The following ABHD3 variants were observed in gnomAD, a reference collection of about 807,000 sequenced individuals.
The protein encoded by ABHD3 is phospholipase ABHD3.
A neutral mutation model predicts 48.8 loss-of-function variants in ABHD3; 46 were observed. The ratio of observed to expected loss-of-function variants is 0.94; its 90% CI spans 0.74 to 1.20. The LOEUF (loss-of-function observed/expected upper bound fraction) is 1.20. Ranked by LOEUF, ABHD3 falls within the 50% of genes most tolerant of loss-of-function variation. ABHD3 has a pLI of 0.00. For synonymous variants in ABHD3, 192 were observed against 183.7 expected (o/e 1.04, Z -0.36); for missense variants, 490 against 497.8 (o/e 0.98, Z 0.15).
intron 3 of ABHD3, among the ~76,000 whole-genome samples, chr18:21,687,326 A>T: frequency 6.6e-6 from 1 of 151,946 alleles, no homozygotes; most frequent in East Asian, 1.9e-4. Context: ...CTCCTGCCTC[A>T]GCCTCCCGAG....
At chr18:21,667,487 C>T (rs1436728445) in intron 4 of ABHD3, among the ~76,000 whole-genome samples, 2 of 151,024 alleles carry the variant, frequency 1.3e-5, no homozygotes, top group Non-Finnish European at 3.0e-5. Context: ...GTGATCCGCC[C>T]GCCTCAGCCT....
intron 4 of ABHD3, among the ~76,000 whole-genome samples, chr18:21,680,828 GTTGT>G (rs1000589682): frequency 3.3e-5 from 5 of 149,728 alleles, no homozygotes; most frequent in South Asian, 2.1e-4. Flanking sequence ...CTTCCTATTT[GTTGT>G]TTCTTTTTTT....
chr18:21,688,218 A>G (rs150094212), intron 3 of ABHD3, among the ~76,000 whole-genome samples: 4 of 152,322 alleles, frequency 2.6e-5, no homozygotes, highest in Non-Finnish European at 4.4e-5. Context: ...GGTTGTGAGT[A>G]CCTGTCTAGG....
At chr18:21,678,894 A>G (rs191605924) in intron 4 of ABHD3, among the ~76,000 whole-genome samples, 9 of 152,282 alleles carry the variant, frequency 5.9e-5, no homozygotes, top group African/African-American at 1.4e-4. Flanking sequence ...CAATCCTACA[A>G]TAACTAATTG....
intron 8 of ABHD3, among the ~76,000 whole-genome samples, chr18:21,654,694 T>C (rs527660756): frequency 2.0e-5 from 3 of 152,300 alleles, no homozygotes; most frequent in South Asian, 2.1e-4. Flanking sequence ...TCTGGATACA[T>C]TCAGAAATTT....
chr18:21,657,341 CTT>C (rs1162753284), intron 6 of ABHD3, among the ~76,000 whole-genome samples, 189 bp from the exon 7 acceptor site: 31 of 140,220 alleles, frequency 2.2e-4, no homozygotes, highest in Admixed American at 2.2e-4. Flanking sequence ...TCTTCAAGTA[CTT>C]TTTTTTTTTT....
chr18:21,674,947 G>GT (rs1261446097), intron 4 of ABHD3, among the ~76,000 whole-genome samples: 1 of 151,874 alleles, frequency 6.6e-6, no homozygotes, highest in Non-Finnish European at 1.5e-5. Context: ...GAGGGATGGG[G>GT]TGGGGGAAGA....
chr18:21,674,949 G>T (rs541931441), intron 4 of ABHD3, among the ~76,000 whole-genome samples: 1 of 152,014 alleles, frequency 6.6e-6, no homozygotes, highest in Non-Finnish European at 1.5e-5. Flanking sequence ...GGGATGGGGT[G>T]GGGGAAGAAC....
At chr18:21,653,725 T>C (rs2146275639) in intron 8 of ABHD3, among the ~76,000 whole-genome samples, 1 of 135,572 alleles carries the variant, frequency 7.4e-6, no homozygotes, top group Middle Eastern at 3.5e-3. Flanking sequence ...ACCGTGTCTT[T>C]ACAAAAAATG....
chr18:21,675,019 T>A (rs955824073), intron 4 of ABHD3, among the ~76,000 whole-genome samples: 8 of 151,976 alleles, frequency 5.3e-5, no homozygotes, highest in Non-Finnish European at 7.4e-5. Flanking sequence ...CAAAAACAGA[T>A]TTCTCTAAAC....
intron 8 of ABHD3, among the ~76,000 whole-genome samples, chr18:21,652,303 G>C (rs1307184319): frequency 6.6e-6 from 1 of 151,504 alleles, no homozygotes; most frequent in East Asian, 1.9e-4. Context: ...CACCAGCCTG[G>C]GCAACATAGT....
chr18:21,697,087 T>A (rs1382772068), intron 3 of ABHD3, among the ~76,000 whole-genome samples: 4 of 151,218 alleles, frequency 2.6e-5, no homozygotes, highest in Non-Finnish European at 5.9e-5. Context: ...TTTTTTTTTT[T>A]TTTTTTGAGC....
chr18:21,704,717 G>C lies in ABHD3; in HGVS notation c.-52C>G, dbSNP rs762549989. On this transcript the variant is annotated 5_prime_UTR_variant, in exon 1 of 9. Transcript: ENST00000289119. ...TGCGGCGGGAGGAGAGCCGGCTGGC[G>C]AGCGGGCGAGAGCGGGCGAGAGCGG... 1 of 1,211,800 alleles carries C rather than the reference G, an allele frequency of 8.3e-7. No homozygotes were observed. Among genetic ancestry groups the C allele is most frequent in the Non-Finnish European group, 1.0e-6 (1 of 981,208 alleles). The allele number at this position is 1,211,800 out of a possible 1,614,324, so 75.1% of individuals were successfully genotyped here. A position where few individuals can be genotyped will look rare whatever the true frequency, so the allele number is the denominator to read the frequency against.
At chr18:21,703,443 G>C in intron 2 of ABHD3, 141 bp downstream of exon 2, 1 of 1,014,774 alleles carries the variant, frequency 9.9e-7, no homozygotes, top group Non-Finnish European at 1.4e-6. Flanking sequence ...AGCCGGGGAC[G>C]TACCTTCCAT....
At chr18:21,686,186 A>G (rs2040125379) in intron 3 of ABHD3, among the ~76,000 whole-genome samples, 1 of 152,246 alleles carries the variant, frequency 6.6e-6, no homozygotes, top group Non-Finnish European at 1.5e-5. Flanking sequence ...GAAAAGTCAG[A>G]GTAGTCTCAG....
intron 4 of ABHD3, among the ~76,000 whole-genome samples, chr18:21,665,686 G>A (rs563630927): frequency 1.3e-5 from 2 of 151,826 alleles, no homozygotes; most frequent in South Asian, 2.1e-4. Context: ...GGTGGTGGGC[G>A]CTGTAGTCCC....
Position 21,703,737 on chromosome 18 carries a change from A to G in ABHD3, c.173T>C (p.Leu58Ser), listed in dbSNP as rs774139189. 6.8e-6 allele frequency: 11 copies of G among 1,613,482 alleles called. No individual in the cohort carries two copies. The South Asian group carries it at 1.2e-4, about 18-fold the overall frequency. ...YLSSIAKKPQLVTGGESFSRF... is the reference protein window; with the variant it reads ...YLSSIAKKPQSVTGGESFSRF... ...GCTGAAACTCTCACCCCCGGTCACT[A>G]ACTGGGGTTTCTGAAGGGAAAAGCA... Residue 58 changes from leucine to serine, a missense_variant, in exon 2 of 9, where the codon TTA (leucine) becomes TCA (serine). Physicochemically the swap from Leu to Ser is moderately radical, Grantham distance 145 (BLOSUM62 -2). Transcript: ENST00000289119.
chr18:21,678,499 T>C (rs1318845256), intron 4 of ABHD3, among the ~76,000 whole-genome samples: 1 of 152,082 alleles, frequency 6.6e-6, no homozygotes, highest in African/African-American at 2.4e-5. Context: ...AAAAATAGCT[T>C]TCTGTGTCTA....
chr18:21,699,574 C>T (rs550003118), intron 3 of ABHD3, among the ~76,000 whole-genome samples: 1 of 152,270 alleles, frequency 6.6e-6, no homozygotes, highest in East Asian at 1.9e-4. Context: ...GAGTCTATTT[C>T]CCTACACTTT....
Sources: gnomAD v4.1 joint callset for allele counts (sites outside exome capture counted in the v4.1 genomes callset) on GRCh38, gnomAD v4.1.1 for gene constraint, MANE v1.5 for transcripts, NCBI Gene and HGNC (gene_info 2026-07-23, HGNC 2026-07-21) for gene names.